CSNK1G3: variants seen among roughly 807,000 people sequenced by gnomAD.
CSNK1G3 encodes the protein casein kinase 1 gamma 3.
Under a neutral mutation model 64.3 loss-of-function variants are expected in CSNK1G3, and 23 were observed. The observed-to-expected ratio is 0.36, with a 90% CI of 0.26 to 0.51. The LOEUF (loss-of-function observed/expected upper bound fraction) is 0.51, where lower values mean the gene tolerates loss of function less well. CSNK1G3 is among the 20% of genes least tolerant of loss of function. CSNK1G3 has a pLI of 0.96. For synonymous variants in CSNK1G3, 158 were observed against 162.2 expected, an observed-to-expected ratio of 0.97 and a Z score of 0.20; for missense variants, 357 against 510.5, an observed-to-expected ratio of 0.70 and a Z score of 2.90.
chr5:123,562,716 T>C (rs1039468167), intron 4 of CSNK1G3, among the ~76,000 whole-genome samples: 2 of 151,770 alleles, frequency 1.3e-5, no homozygotes, highest in Non-Finnish European at 1.5e-5. Flanking sequence ...TTTTCTCATT[T>C]TGGACAACTA....
At position 123,573,264 on chromosome 5, in the gene CSNK1G3, T is replaced by C. The variant is rs577599766; in HGVS notation, c.290-129T>C. ...TTGGGAGGTTTGGTCAGGAAAAGTA[T>C]GTATCTGGAAAAAGTGATAGTACTG... is the stretch of plus-strand genomic sequence containing the variant. On this transcript the variant is annotated intron_variant, in intron 4 of 12. Transcript: ENST00000345990. The C allele has an allele frequency of 1.7e-5, 16 of 936,442 alleles. No homozygotes were observed. The South Asian group carries it at 1.9e-4, about 11-fold the overall frequency. 58.0% of individuals were successfully genotyped at this position (936,442 alleles called of 1,614,324 possible). A position where few individuals can be genotyped will look rare whatever the true frequency, so the allele number is the denominator to read the frequency against.
intron 4 of CSNK1G3, among the ~76,000 whole-genome samples, chr5:123,567,756 CAT>C (rs1221917838): frequency 6.6e-6 from 1 of 152,134 alleles, no homozygotes; most frequent in Non-Finnish European, 1.5e-5. Context: ...ATGGGTATGA[CAT>C]ATTAGGTTGG....
intron 3 of CSNK1G3, among the ~76,000 whole-genome samples, chr5:123,555,956 G>A (rs184722291): frequency 4.6e-5 from 7 of 152,188 alleles, no homozygotes; most frequent in Admixed American, 2.6e-4. Context: ...ACTGTTTTAA[G>A]TACTTTATAT....
chr5:123,608,859 G>A (rs1795821749), intron 12 of CSNK1G3, among the ~76,000 whole-genome samples: 1 of 152,124 alleles, frequency 6.6e-6, no homozygotes, highest in South Asian at 2.1e-4. Context: ...AGGATCATTG[G>A]TCTAATACAA....
intron 10 of CSNK1G3, among the ~76,000 whole-genome samples, chr5:123,603,625 TGCTGTGTCAGCATAGAAATTTTTA>T (rs1456629478): frequency 6.6e-6 from 1 of 152,160 alleles, no homozygotes; most frequent in Non-Finnish European, 1.5e-5. Context: ...ATAATTTCTG[TGCTGTGTCAGCATAGAAATTTTTA>T]GCTGTGTGAT....
chr5:123,588,214 C>T, intron 7 of CSNK1G3, 61 bp downstream of exon 7: 1 of 1,259,924 alleles, frequency 7.9e-7, no homozygotes, highest in Non-Finnish European at 1.2e-6. Flanking sequence ...AAGGTCCTGT[C>T]TTCCAACTAA....
At chr5:123,525,670 A>T (rs1778923353) in intron 1 of CSNK1G3, among the ~76,000 whole-genome samples, 1 of 152,124 alleles carries the variant, frequency 6.6e-6, no homozygotes, top group African/African-American at 2.4e-5. Flanking sequence ...TAATAAACAC[A>T]AGCATCTGAC....
rs1350750018 is a variant in CSNK1G3, at chr5:123,517,011, G to A, written c.-248+4441G>A. On this transcript the variant is annotated intron_variant, in intron 1 of 12. Transcript: ENST00000345990. ...TCAAAATGGAGGAAATTCATATGAA[G>A]TGCCAAGGACTATGTGATGCCTGCC... Among the ~76,000 whole-genome samples the A allele has an allele frequency of 5.9e-5, 9 of 152,300 alleles. No homozygotes were observed. In the East Asian group the frequency reaches 1.5e-3, roughly 26 times the overall value.
At chr5:123,609,450 T>C (rs1218118194) in intron 12 of CSNK1G3, among the ~76,000 whole-genome samples, 1 of 152,194 alleles carries the variant, frequency 6.6e-6, no homozygotes, top group African/African-American at 2.4e-5. Flanking sequence ...TTTAAGATTA[T>C]AGTATTGGAC....
intron 4 of CSNK1G3, among the ~76,000 whole-genome samples, 195 bp downstream of exon 4, chr5:123,557,759 T>C (rs1167041005): frequency 5.9e-5 from 9 of 152,148 alleles, no homozygotes; most frequent in African/African-American, 1.9e-4. Flanking sequence ...TTTATGCTGA[T>C]ATGAGTAGAG....
intron 1 of CSNK1G3, among the ~76,000 whole-genome samples, chr5:123,531,917 A>G (rs1448517123): frequency 2.6e-5 from 4 of 151,828 alleles, no homozygotes; most frequent in Non-Finnish European, 5.9e-5. Flanking sequence ...AGTAGTTTTT[A>G]TTTTAATGGG....
intron 6 of CSNK1G3, among the ~76,000 whole-genome samples, chr5:123,586,958 A>G (rs1282525804): frequency 1.3e-5 from 2 of 152,168 alleles, no homozygotes; most frequent in Non-Finnish European, 2.9e-5. Context: ...TTGTGCAGGG[A>G]AACTCCTTAT....
intron 2 of CSNK1G3, among the ~76,000 whole-genome samples, chr5:123,548,459 CAAAAAAA>C (rs58778870): frequency 2.5e-5 from 2 of 79,286 alleles, no homozygotes; most frequent in South Asian, 4.8e-4. Context: ...GACTCTGTCT[CAAAAAAA>C]AAAAAAAAAA....
intron 6 of CSNK1G3, among the ~76,000 whole-genome samples, chr5:123,581,243 A>G (rs1038464082): frequency 1.3e-5 from 2 of 151,434 alleles, no homozygotes; most frequent in African/African-American, 4.8e-5. Flanking sequence ...TTACTATTAT[A>G]TAGCAATATT....
exon 13 of CSNK1G3, chr5:123,614,477 A>G (rs1484837910): frequency 8.9e-5 from 109 of 1,223,578 alleles, no homozygotes; most frequent in Non-Finnish European, 1.1e-4. Context: ...TGTAGTGACC[A>G]CGTATATTTT....
At chr5:123,553,467 C>T (rs1009471132) in intron 3 of CSNK1G3, among the ~76,000 whole-genome samples, 1 of 152,128 alleles carries the variant, frequency 6.6e-6, no homozygotes, top group African/African-American at 2.4e-5. Flanking sequence ...AAGATTTTGC[C>T]TTCTGATTCA....
intron 6 of CSNK1G3, among the ~76,000 whole-genome samples, chr5:123,584,832 TCATGTAAGTTGTTTAATTTA>T (rs1344847028): frequency 2.0e-5 from 3 of 152,216 alleles, no homozygotes; most frequent in Non-Finnish European, 4.4e-5. Context: ...TTTGTCCATT[TCATGTAAGTTGTTTAATTTA>T]CATGTAAGTT....
Position 123,605,342 on chromosome 5 carries a change from C to A in CSNK1G3, c.1197C>A (p.Cys399Ter). The change falls in exon 12 of 13, where the codon TGC (cysteine) becomes TGA (stop). Residue 399 changes from cysteine to a stop codon, truncating the protein, a stop_gained. Coordinates refer to ENST00000345990, the Ensembl canonical transcript of CSNK1G3. LOFTEE classifies it high-confidence loss of function. ...TTTTTTTTGTGTGTGCGTATAGCTG[C>A]CAGAAAGTGTTGAACATGTGGTGAG... 6.2e-7 allele frequency: 1 copy of A among 1,607,940 alleles called. No homozygotes were observed.
chr5:123,601,410 T>A (rs553843777), intron 10 of CSNK1G3, among the ~76,000 whole-genome samples: 16 of 152,294 alleles, frequency 1.1e-4, no homozygotes, highest in African/African-American at 3.8e-4. Flanking sequence ...ACAGTGATTC[T>A]ATTCTGAACT....
Sources: gnomAD v4.1 joint callset for allele counts (sites outside exome capture counted in the v4.1 genomes callset) on GRCh38, gnomAD v4.1.1 for gene constraint, MANE v1.5 for transcripts, NCBI Gene and HGNC (gene_info 2026-07-23, HGNC 2026-07-21) for gene names.